Variants in PBX1 observed in about 807,000 individuals in gnomAD.
The protein encoded by PBX1 is PBX homeobox 1.
A neutral mutation model predicts 53.4 loss-of-function variants in PBX1; 6 were observed. The observed-to-expected ratio is 0.11, with a 90% CI of 0.06 to 0.22. The LOEUF (loss-of-function observed/expected upper bound fraction) is 0.22, where lower values mean the gene tolerates loss of function less well. PBX1 is among the 10% of genes least tolerant of loss of function. PBX1 has a pLI of 1.00. For missense variants in PBX1, 251 were observed against 551.4 expected (o/e 0.46, Z 5.46); for synonymous variants, 204 against 212.3 (o/e 0.96, Z 0.34).
chr1:164,770,651 A>G (rs1472752955), intron 2 of PBX1: 1 of 152,148 alleles, frequency 6.6e-6, no homozygotes, highest in Non-Finnish European at 1.5e-5. Context: ...ACCGTCTCTA[A>G]CTGTTTGTAC....
At chr1:164,562,596 G>A (rs1653143077) in intron 1 of PBX1, among the ~76,000 whole-genome samples, 1 of 152,122 alleles carries the variant, frequency 6.6e-6, no homozygotes, top group Admixed American at 6.5e-5. Context: ...CTGCAAATAA[G>A]CAGTGTGTGC....
intron 2 of PBX1, among the ~76,000 whole-genome samples, chr1:164,875,766 A>T (rs1424765430): frequency 6.6e-6 from 1 of 152,030 alleles, no homozygotes; most frequent in East Asian, 1.9e-4. Flanking sequence ...TCTTAAAGGG[A>T]TATGTGAAGG....
chr1:164,881,303 GGGAA>G (rs10615738), intron 2 of PBX1, among the ~76,000 whole-genome samples: 45,650 of 123,096 alleles, frequency 0.37, 11,484 homozygotes, highest in East Asian at 0.57. Context: ...GAAGGAAAGA[GGGAA>G]GGAAGGAAGG....
rs375748360 is a variant in PBX1, at chr1:164,694,073, T to TC, written c.266-98420dup. Among the ~76,000 whole-genome samples, 10 of 147,490 alleles carry TC rather than the reference T, an allele frequency of 6.8e-5. No homozygotes were observed. In the South Asian group the frequency reaches 2.3e-3, roughly 34 times the overall value. ...ATTCTAAGATTTCTAGCTTTTTTTT[T>TC]CAATTAACTTCTAGAGTGCTTTGTT... On this transcript the variant is annotated intron_variant, in intron 2 of 8. Coordinates refer to ENST00000420696, the MANE Select transcript of PBX1 (RefSeq NM_002585.4).
intron 2 of PBX1, among the ~76,000 whole-genome samples, chr1:164,612,816 T>G (rs1241920331): frequency 6.6e-6 from 1 of 152,088 alleles, no homozygotes; most frequent in Non-Finnish European, 1.5e-5. Flanking sequence ...TGATAAAGCA[T>G]CCTGGTTAAG....
intron 2 of PBX1, among the ~76,000 whole-genome samples, chr1:164,754,176 C>A (rs1362253405): frequency 3.3e-5 from 5 of 152,144 alleles, no homozygotes; most frequent in Non-Finnish European, 7.3e-5. Flanking sequence ...TGGACGGGAA[C>A]TCAGACCCAT....
chr1:164,588,376 A>C (rs1206249266), intron 2 of PBX1, among the ~76,000 whole-genome samples: 3 of 152,058 alleles, frequency 2.0e-5, no homozygotes, highest in Non-Finnish European at 4.4e-5. Flanking sequence ...TTTGGGGAAA[A>C]AAAATCACAC....
chr1:164,559,622 C>T lies in PBX1; in HGVS notation c.-201C>T. The T allele has an allele frequency of 2.9e-6, 1 of 346,862 alleles. No individual in the cohort carries two copies. Among genetic ancestry groups the T allele is most frequent in the Non-Finnish European group, 5.3e-6 (1 of 188,998 alleles). The allele number at this position is 346,862 out of a possible 1,614,324, so 21.5% of individuals were successfully genotyped here. A position where few individuals can be genotyped will look rare whatever the true frequency, so the allele number is the denominator to read the frequency against. ...CCGCAACCCCTTCACGCCCCCTCCC[C>T]CTCCCCCTCCTCATCCTCCCACCAT... On this transcript the variant is annotated 5_prime_UTR_variant, in exon 1 of 9. Transcript: ENST00000420696.
At chr1:164,687,973 T>C (rs183264018) in intron 2 of PBX1, among the ~76,000 whole-genome samples, 1 of 152,200 alleles carries the variant, frequency 6.6e-6, no homozygotes, top group Non-Finnish European at 1.5e-5. Context: ...TTTGAGACTC[T>C]GTTATGATAT....
At chr1:164,858,997 A>G (rs1672036640) in intron 2 of PBX1, among the ~76,000 whole-genome samples, 1 of 152,296 alleles carries the variant, frequency 6.6e-6, no homozygotes, top group East Asian at 1.9e-4. Flanking sequence ...AAAATCTTCT[A>G]ATGCTAGTCT....
At chr1:164,677,574 T>C (rs1052785955) in intron 2 of PBX1, among the ~76,000 whole-genome samples, 1 of 152,152 alleles carries the variant, frequency 6.6e-6, no homozygotes, top group Non-Finnish European at 1.5e-5. Context: ...GATAATTATG[T>C]GGCATGGGTT....
intron 2 of PBX1, among the ~76,000 whole-genome samples, chr1:164,624,102 C>T (rs1657878560): frequency 6.6e-6 from 1 of 152,164 alleles, no homozygotes; most frequent in African/African-American, 2.4e-5. Flanking sequence ...TGTCCTAAAA[C>T]CACAGGGCTA....
intron 2 of PBX1, among the ~76,000 whole-genome samples, chr1:164,607,326 G>C (rs1336824358): frequency 1.3e-5 from 2 of 152,172 alleles, no homozygotes; most frequent in Admixed American, 1.3e-4. Flanking sequence ...GGATGAATGA[G>C]TTTAAAAAGC....
chr1:164,832,278 C>G (rs1039162658), intron 8 of PBX1, among the ~76,000 whole-genome samples: 1 of 152,152 alleles, frequency 6.6e-6, no homozygotes, highest in Non-Finnish European at 1.5e-5. Context: ...CTTAAGAACT[C>G]AATTATGACT....
At chr1:164,710,649 G>A (rs1663704260) in intron 2 of PBX1, among the ~76,000 whole-genome samples, 1 of 152,096 alleles carries the variant, frequency 6.6e-6, no homozygotes, top group African/African-American at 2.4e-5. Flanking sequence ...GAACTCAGGT[G>A]ATCTGCCCGC....
At chr1:164,659,038 A>G (rs1034851311) in intron 2 of PBX1, among the ~76,000 whole-genome samples, 1 of 152,158 alleles carries the variant, frequency 6.6e-6, no homozygotes, top group Non-Finnish European at 1.5e-5. Flanking sequence ...CCCACATATT[A>G]ACCTCATAGC....
intron 2 of PBX1, among the ~76,000 whole-genome samples, chr1:164,629,193 A>G (rs1445146392): frequency 6.6e-6 from 1 of 152,148 alleles, no homozygotes; most frequent in Non-Finnish European, 1.5e-5. Flanking sequence ...ACCTGTTCCA[A>G]GGAATGGAAA....
intron 2 of PBX1, among the ~76,000 whole-genome samples, chr1:164,605,856 G>A (rs1338815114): frequency 6.6e-6 from 1 of 152,122 alleles, no homozygotes; most frequent in African/African-American, 2.4e-5. Flanking sequence ...GTCTGATGGT[G>A]CCTCTTTGTG....
At chr1:164,590,904 G>C (rs1183212074) in intron 2 of PBX1, among the ~76,000 whole-genome samples, 1 of 152,052 alleles carries the variant, frequency 6.6e-6, no homozygotes, top group Admixed American at 6.5e-5. Flanking sequence ...GAGGGCAGTG[G>C]TGCGATCTCG....
Sources: allele counts gnomAD v4.1 joint callset (sites outside exome capture counted in the v4.1 genomes callset), GRCh38; gene constraint gnomAD v4.1.1; transcripts MANE v1.5; gene names NCBI Gene and HGNC (gene_info 2026-07-23, HGNC 2026-07-21).